The following FXR1 variants were observed in gnomAD, a reference collection of about 807,000 sequenced individuals.
FXR1 encodes the protein FMR1 autosomal homolog 1, also known as RNA-binding protein FXR1.
In FXR1, 15 loss-of-function variants were observed where a neutral mutation model predicts 84.0. The observed-to-expected ratio is 0.18, with a 90% confidence interval of 0.12 to 0.27. FXR1 has a LOEUF of 0.27. Ranked by LOEUF, FXR1 falls within the 10% of genes least tolerant of loss-of-function variation. The pLI, the probability that FXR1 is intolerant of heterozygous loss-of-function variation, is 1.00. For missense variants in FXR1, 480 were observed against 774.4 expected (o/e 0.62, Z 4.51); for synonymous variants, 245 against 250.7 (o/e 0.98, Z 0.21).
At chr3:180,950,447 A>G (rs1722114466) in intron 7 of FXR1, among the ~76,000 whole-genome samples, 1 of 152,148 alleles carries the variant, frequency 6.6e-6, no homozygotes, top group African/African-American at 2.4e-5. Context: ...TTTTTAAAAA[A>G]ATTTATGTGG....
At chr3:180,914,716 A>G in intron 1 of FXR1, 2 of 804,278 alleles carry the variant, frequency 2.5e-6, no homozygotes, top group Non-Finnish European at 3.0e-6. Context: ...TGATCTCTAT[A>G]CATATCTACA....
At chr3:180,925,819 G>T (rs1553840362) in intron 1 of FXR1, among the ~76,000 whole-genome samples, 1 of 152,160 alleles carries the variant, frequency 6.6e-6, no homozygotes, top group Non-Finnish European at 1.5e-5. Flanking sequence ...TCTTGGGGAA[G>T]AAAAAACCCG....
At chr3:180,954,324 C>A (rs1231651875) in intron 9 of FXR1, among the ~76,000 whole-genome samples, 4 of 152,042 alleles carry the variant, frequency 2.6e-5, no homozygotes, top group Non-Finnish European at 5.9e-5. Flanking sequence ...TGTTGCAAGG[C>A]ATAGAATAAT....
At chr3:180,916,804 G>C (rs1181546239) in intron 1 of FXR1, among the ~76,000 whole-genome samples, 2 of 152,134 alleles carry the variant, frequency 1.3e-5, no homozygotes, top group African/African-American at 4.8e-5. Context: ...TAAGCTCTGA[G>C]ATTTCAGTCA....
At chr3:180,939,839 C>T (rs1417007359) in intron 3 of FXR1, among the ~76,000 whole-genome samples, 1 of 152,064 alleles carries the variant, frequency 6.6e-6, no homozygotes, top group Non-Finnish European at 1.5e-5. Flanking sequence ...TGACTTTGCC[C>T]TTAGTAATAA....
rs1428845157 is a variant in FXR1 at position 180,977,213 on chromosome 3, T to C, written c.*921T>C. On this transcript the variant is annotated 3_prime_UTR_variant, in exon 17 of 17. Coordinates refer to ENST00000357559, the MANE Select transcript of FXR1 (RefSeq NM_005087.4). ...CCAATTGTTGCAAAATAGTTGGAGC[T>C]ATTAATAGGCTTAGGATAGTATACT... 6.6e-6 allele frequency: 1 copy of C among 152,542 alleles called. No individual in the cohort carries two copies. Among genetic ancestry groups the C allele is most frequent in the East Asian group, 1.9e-4 (1 of 5,196 alleles). 9.4% of individuals were successfully genotyped at this position (152,542 alleles called of 1,614,324 possible). A position where few individuals can be genotyped will look rare whatever the true frequency, so the allele number is the denominator to read the frequency against.
Position 180,967,977 on chromosome 3 carries a change from TA to T in FXR1, c.1199-73del, listed in dbSNP as rs1190028855. 27 of 922,936 alleles carry T rather than the reference TA, an allele frequency of 2.9e-5. No individual in the cohort carries two copies. The African/African-American group carries it at 3.7e-4, about 13-fold the overall frequency. 57.2% of individuals were successfully genotyped at this position (922,936 alleles called of 1,614,324 possible). A position where few individuals can be genotyped will look rare whatever the true frequency, so the allele number is the denominator to read the frequency against. On this transcript the variant is annotated intron_variant, in intron 13 of 16. Coordinates refer to ENST00000357559, the MANE Select transcript of FXR1 (RefSeq NM_005087.4). Reference sequence around the variant, plus strand: ...TATTGCTTATTTAAACAATAATTTGTAGGACATAATTTTGAACATTTTAAAA... The same window carrying T: ...TATTGCTTATTTAAACAATAATTTGTGGACATAATTTTGAACATTTTAAAA...
chr3:180,959,772 A>G (rs1229265151), intron 10 of FXR1, among the ~76,000 whole-genome samples: 1 of 152,000 alleles, frequency 6.6e-6, no homozygotes, highest in Non-Finnish European at 1.5e-5. Context: ...CATAGTTGAA[A>G]TGACTTCTTC....
chr3:180,946,118 A>G (rs1721671933), intron 3 of FXR1, among the ~76,000 whole-genome samples: 1 of 152,208 alleles, frequency 6.6e-6, no homozygotes, highest in Admixed American at 6.5e-5. Flanking sequence ...ATAATTATCA[A>G]CTGGTCAACG....
rs1464997562 is a variant in FXR1, at chr3:180,981,505, C to T, written c.*5213C>T. ...TCTTACCAACAAAGCAGTTTTTATACAGCACCTTAGGACTCATTTCTAATG... is the reference window on the plus strand; with the variant it reads ...TCTTACCAACAAAGCAGTTTTTATATAGCACCTTAGGACTCATTTCTAATG... On this transcript the variant is annotated 3_prime_UTR_variant, in exon 17 of 17. Transcript: ENST00000357559. 2.0e-5 allele frequency: 3 copies of T among 152,016 alleles called. No individual in the cohort carries two copies. Among genetic ancestry groups the T allele is most frequent in the African/African-American group, 7.2e-5 (3 of 41,416 alleles). The allele number at this position is 152,016 out of a possible 1,614,324, so 9.4% of individuals were successfully genotyped here.
At chr3:180,963,301 G>A (rs1167822824) in intron 13 of FXR1, among the ~76,000 whole-genome samples, 2 of 151,994 alleles carry the variant, frequency 1.3e-5, no homozygotes, top group Non-Finnish European at 2.9e-5. Context: ...AAGCAGTTAT[G>A]TAATGAAGCA....
Position 180,978,055 on chromosome 3 carries a change from A to G in FXR1, c.*1763A>G, listed in dbSNP as rs1714394877. 6.6e-6 allele frequency: 1 copy of G among 151,952 alleles called. No individual in the cohort carries two copies. The highest frequency in any genetic ancestry group is 2.4e-5 in the African/African-American group (1 of 41,396). 9.4% of individuals were successfully genotyped at this position (151,952 alleles called of 1,614,324 possible). On this transcript the variant is annotated 3_prime_UTR_variant, in exon 17 of 17. Transcript: ENST00000357559. Reference sequence around the variant, plus strand: ...TGATATTTAAAAAAATTACCCACAAATGTGTTTTTTTAAATCGATCAAAGC... The same window carrying G: ...TGATATTTAAAAAAATTACCCACAAGTGTGTTTTTTTAAATCGATCAAAGC...
intron 13 of FXR1, among the ~76,000 whole-genome samples, chr3:180,967,573 T>C (rs1342272693): frequency 6.6e-6 from 1 of 152,068 alleles, no homozygotes; most frequent in Non-Finnish European, 1.5e-5. Context: ...TGTATGGTTT[T>C]TTTTTTTTGG....
Position 180,976,129 on chromosome 3 carries a change from A to G in FXR1, c.1703A>G (p.Asp568Gly), listed in dbSNP as rs1310742955. ...GTTGTCTCCCTTTGGCAGGCAAAAGATGTGATTGAAGAGCATGGTCCTTCA... is the reference window on the plus strand; with the variant it reads ...GTTGTCTCCCTTTGGCAGGCAAAAGGTGTGATTGAAGAGCATGGTCCTTCA... ...LAKNKKEMAK[D>G]VIEEHGPSEK... The change falls in exon 17 of 17, where the codon GAT (aspartate) becomes GGT (glycine). Residue 568 changes from aspartate (D) to glycine (G), a missense_variant. Physicochemically the swap from Asp to Gly is moderately conservative, Grantham distance 94. Transcript: ENST00000357559. 8 of 1,603,144 alleles carry G rather than the reference A, an allele frequency of 5.0e-6. No individual in the cohort carries two copies. Among genetic ancestry groups the G allele is most frequent in the Non-Finnish European group, 6.8e-6 (8 of 1,176,578 alleles).
At chr3:180,942,979 TC>T (rs1236848173) in intron 3 of FXR1, among the ~76,000 whole-genome samples, 1 of 152,148 alleles carries the variant, frequency 6.6e-6, no homozygotes, top group Non-Finnish European at 1.5e-5. Flanking sequence ...CTTTTTTCCT[TC>T]TTCCTAAGAT....
intron 10 of FXR1, 82 bp from the exon 11 acceptor site, chr3:180,961,386 T>C: frequency 2.2e-6 from 1 of 458,882 alleles, no homozygotes; most frequent in South Asian, 2.7e-5. Flanking sequence ...TGTGTGTGCC[T>C]GCCTGTCAGT....
intron 1 of FXR1, chr3:180,915,440 T>C: frequency 9.2e-7 from 1 of 1,090,356 alleles, no homozygotes; most frequent in South Asian, 1.4e-5. Context: ...TATTGTGTAG[T>C]GTTTTGAGTC....
intron 13 of FXR1, 130 bp from the exon 14 acceptor site, chr3:180,967,921 T>C (rs927537366): frequency 4.7e-6 from 3 of 637,500 alleles, no homozygotes; most frequent in Non-Finnish European, 8.5e-6. Context: ...ATTTTAACTT[T>C]CATGGATCTT....
chr3:180,948,572 T>C, intron 5 of FXR1, 77 bp downstream of exon 5: 1 of 1,134,768 alleles, frequency 8.8e-7, no homozygotes, highest in Non-Finnish European at 1.3e-6. Context: ...TTTTCCCTAA[T>C]GCCCAATCAA....
Sources: allele counts gnomAD v4.1 joint callset (sites outside exome capture counted in the v4.1 genomes callset), GRCh38; gene constraint gnomAD v4.1.1; transcripts MANE v1.5; gene names NCBI Gene and HGNC (gene_info 2026-07-23, HGNC 2026-07-21).